Variants in DRD2 observed in about 807,000 individuals in gnomAD.
DRD2 encodes the protein dopamine receptor D2.
In DRD2, 8 loss-of-function variants were observed where a neutral mutation model predicts 38.0. The observed-to-expected ratio is 0.21, with a 90% confidence interval of 0.12 to 0.38. The LOEUF (loss-of-function observed/expected upper bound fraction) is 0.38. Ranked by LOEUF, DRD2 falls within the 10% of genes least tolerant of loss-of-function variation. The pLI, the probability that DRD2 is intolerant of heterozygous loss-of-function variation, is 1.00. For missense variants in DRD2, 403 were observed against 607.7 expected (o/e 0.66, Z 3.54); for synonymous variants, 230 against 238.6 (o/e 0.96, Z 0.33).
rs149159590 is a variant in DRD2 at position 113,459,439 on chromosome 11, A to G, written c.-32+15637T>C. ...TACCATCATTTTAGAATAAAAAATC[A>G]GAGGACAAGAAAAGTTAACTATACC... On this transcript the variant is annotated intron_variant, in intron 1 of 7. Transcript: ENST00000362072. Among the ~76,000 whole-genome samples, 27 of 152,362 alleles carry G rather than the reference A, an allele frequency of 1.8e-4. No homozygotes were observed. In the East Asian group the frequency reaches 4.8e-3, roughly 27 times the overall value.
chr11:113,473,270 C>T (rs1364859510), intron 1 of DRD2, among the ~76,000 whole-genome samples: 1 of 152,140 alleles, frequency 6.6e-6, no homozygotes, highest in African/African-American at 2.4e-5. Flanking sequence ...TAAGGAGTCT[C>T]AACTTTTTGG....
At chr11:113,427,881 T>C (rs1020431265) in intron 1 of DRD2, among the ~76,000 whole-genome samples, 4 of 152,134 alleles carry the variant, frequency 2.6e-5, no homozygotes, top group Admixed American at 6.5e-5. Context: ...AATGAGACGC[T>C]TAGGGTGGGC....
chr11:113,450,375 C>G (rs547482002), intron 1 of DRD2, among the ~76,000 whole-genome samples: 1 of 152,312 alleles, frequency 6.6e-6, no homozygotes, highest in Admixed American at 6.5e-5. Flanking sequence ...ATTACTCCCT[C>G]TTTAGGAGTT....
At chr11:113,417,898 A>C (rs990288049) in intron 3 of DRD2, 129 bp downstream of exon 3, 2 of 751,616 alleles carry the variant, frequency 2.7e-6, no homozygotes, top group Non-Finnish European at 4.7e-6. Context: ...ACACAAACAC[A>C]TGGACCCCCA....
rs148827819 is a variant in DRD2 at position 113,414,419 on chromosome 11, T to C, written c.766A>G (p.Ile256Val). ...GGGAAACTCCCATTAGACTTCATGA[T>C]AACGGTGCAGAGTTTCATGTCCTCG... ...HPEDMKLCTV[I>V]MKSNGSFPVN... The change falls in exon 6 of 8, where the codon ATC becomes GTC. Residue 256 changes from isoleucine to valine, a missense_variant. By Grantham distance (29) the Ile-to-Val change is conservative. Around this residue, in one of 4 missense-constraint regions of DRD2, gnomAD observed 166 missense variants for 178.6 expected, o/e 0.93. Transcript: ENST00000362072. 16 of 1,614,142 alleles carry C rather than the reference T, an allele frequency of 9.9e-6. No individual in the cohort carries two copies. Among genetic ancestry groups the C allele is most frequent in the Non-Finnish European group, 1.3e-5 (15 of 1,180,032 alleles).
At chr11:113,441,268 T>A (rs572002002) in intron 1 of DRD2, among the ~76,000 whole-genome samples, 25 of 152,188 alleles carry the variant, frequency 1.6e-4, no homozygotes. Context: ...AGGCTGGCAA[T>A]GGCAGCCTGC....
chr11:113,452,871 C>T (rs554913936), intron 1 of DRD2, among the ~76,000 whole-genome samples: 3 of 151,848 alleles, frequency 2.0e-5, no homozygotes, highest in Non-Finnish European at 2.9e-5. Flanking sequence ...AGGCTGGTCT[C>T]AAACTCCTGA....
intron 6 of DRD2, 93 bp downstream of exon 6, chr11:113,414,282 C>T (rs771051287): frequency 2.2e-5 from 27 of 1,220,490 alleles, no homozygotes; most frequent in Non-Finnish European, 3.0e-5. Context: ...GTGCTTCTCC[C>T]ATTGGCCAGC....
intron 1 of DRD2, among the ~76,000 whole-genome samples, chr11:113,459,662 G>A (rs1439058045): frequency 6.6e-6 from 1 of 152,168 alleles, no homozygotes; most frequent in Non-Finnish European, 1.5e-5. Context: ...ATGGAGAGAG[G>A]TTGGTTAATA....
intron 1 of DRD2, among the ~76,000 whole-genome samples, chr11:113,433,244 A>G (rs1236246634): frequency 6.6e-6 from 1 of 152,054 alleles, no homozygotes; most frequent in Non-Finnish European, 1.5e-5. Context: ...TGCACAGGGG[A>G]GTGGGGTGTG....
At chr11:113,422,421 C>G (rs937440739) in intron 2 of DRD2, among the ~76,000 whole-genome samples, 4 of 152,174 alleles carry the variant, frequency 2.6e-5, no homozygotes, top group Non-Finnish European at 4.4e-5. Flanking sequence ...AACTGAGGCA[C>G]AGAGAGTTTG....
chr11:113,458,030 G>A (rs1951283309), intron 1 of DRD2, among the ~76,000 whole-genome samples: 2 of 152,254 alleles, frequency 1.3e-5, no homozygotes, highest in South Asian at 4.1e-4. Context: ...CCAGACTGTT[G>A]AAAAGGAATT....
intron 1 of DRD2, among the ~76,000 whole-genome samples, chr11:113,442,388 G>C (rs551138688): frequency 6.6e-6 from 1 of 152,292 alleles, no homozygotes; most frequent in South Asian, 2.1e-4. Context: ...TTATGTTGCT[G>C]AGCTACAAAG....
chr11:113,460,021 A>G (rs1264118166), intron 1 of DRD2, among the ~76,000 whole-genome samples: 6 of 152,244 alleles, frequency 3.9e-5, no homozygotes, highest in Non-Finnish European at 8.8e-5. Flanking sequence ...AAAGAAATCT[A>G]TGGGATTCCA....
At chr11:113,432,288 TTCTCTCTCTCTCTCTCTCTCTCTC>T (rs56097058) in intron 1 of DRD2, among the ~76,000 whole-genome samples, 1 of 136,258 alleles carries the variant, frequency 7.3e-6, no homozygotes, top group Non-Finnish European at 1.6e-5. Flanking sequence ...GATCCTCTCT[TTCTCTCTCTCTCTCTCTCTCTCTC>T]TCTCTCTCTC....
intron 1 of DRD2, among the ~76,000 whole-genome samples, chr11:113,467,460 T>G (rs1164833077): frequency 6.6e-6 from 1 of 152,224 alleles, no homozygotes; most frequent in African/African-American, 2.4e-5. Flanking sequence ...CATTTGCTCC[T>G]GCCAAGAATG....
chr11:113,428,299 A>AC (rs1476154529), intron 1 of DRD2, among the ~76,000 whole-genome samples: 1 of 152,180 alleles, frequency 6.6e-6, no homozygotes, highest in African/African-American at 2.4e-5. Flanking sequence ...GCATCAGGTG[A>AC]CCCCACAGGG....
At chr11:113,469,040 T>G (rs1951396904) in intron 1 of DRD2, among the ~76,000 whole-genome samples, 1 of 152,212 alleles carries the variant, frequency 6.6e-6, no homozygotes, top group South Asian at 2.1e-4. Flanking sequence ...TTTCATCCTT[T>G]GGACAGTTCA....
At chr11:113,470,423 G>T (rs1239118935) in intron 1 of DRD2, among the ~76,000 whole-genome samples, 6 of 152,128 alleles carry the variant, frequency 3.9e-5, no homozygotes, top group East Asian at 1.9e-4. Flanking sequence ...CTAACTGCAG[G>T]CCTATTGATG....
Sources: gnomAD v4.1 joint callset for allele counts (sites outside exome capture counted in the v4.1 genomes callset) on GRCh38, gnomAD v4.1.1 for gene constraint, gnomAD v4.1.1 regional missense constraint, MANE v1.5 for transcripts, NCBI Gene and HGNC (gene_info 2026-07-23, HGNC 2026-07-21) for gene names.